Variants in GRK3 observed in about 807,000 individuals in gnomAD.
GRK3 encodes the protein G protein-coupled receptor kinase 3, also known as adrenergic, beta, receptor kinase 2.
In GRK3, 54 loss-of-function variants were observed where a neutral mutation model predicts 95.7. The ratio of observed to expected loss-of-function variants is 0.56; its 90% CI spans 0.45 to 0.71. The LOEUF (loss-of-function observed/expected upper bound fraction) is 0.71. Ranked by LOEUF, GRK3 falls within the 30% of genes least tolerant of loss-of-function variation. The pLI, the probability that GRK3 is intolerant of heterozygous loss-of-function variation, is 0.00. For missense variants in GRK3, 649 were observed against 851.2 expected (o/e 0.76, Z 2.96); for synonymous variants, 281 against 290.8 (o/e 0.97, Z 0.34).
intron 15 of GRK3, among the ~76,000 whole-genome samples, chr22:25,706,562 G>A (rs541496542): frequency 9.9e-5 from 15 of 151,954 alleles, no homozygotes; most frequent in South Asian, 8.3e-4. Flanking sequence ...ATTGAGTCTC[G>A]CTCTGTTACC....
At chr22:25,667,233 A>G (rs542143954) in intron 5 of GRK3, among the ~76,000 whole-genome samples, 16 of 152,254 alleles carry the variant, frequency 1.1e-4, no homozygotes, top group Non-Finnish European at 2.2e-4. Flanking sequence ...AAAAAATTTC[A>G]CTTCATGGAC....
intron 2 of GRK3, among the ~76,000 whole-genome samples, chr22:25,627,505 ACT>A (rs1328033078): frequency 1.3e-5 from 2 of 151,956 alleles, no homozygotes; most frequent in East Asian, 3.9e-4. Context: ...CTTTCTCCTG[ACT>A]CTATAGCCCG....
At chr22:25,694,481 A>G (rs1020668207) in intron 12 of GRK3, among the ~76,000 whole-genome samples, 4 of 152,158 alleles carry the variant, frequency 2.6e-5, no homozygotes, top group African/African-American at 9.7e-5. Context: ...CTTCCTGAAA[A>G]TCATCTTCAC....
intron 17 of GRK3, among the ~76,000 whole-genome samples, chr22:25,714,010 A>G (rs2085363831): frequency 6.6e-6 from 1 of 152,240 alleles, no homozygotes; most frequent in African/African-American, 2.4e-5. Flanking sequence ...TTCTGAAACT[A>G]TAGAAACAGT....
intron 1 of GRK3, among the ~76,000 whole-genome samples, chr22:25,565,388 G>A (rs982118709): frequency 1.3e-5 from 2 of 152,216 alleles, no homozygotes; most frequent in African/African-American, 4.8e-5. Context: ...GCGGCGCCCT[G>A]CGCGCAGCGA....
intron 4 of GRK3, 105 bp from the exon 5 acceptor site, chr22:25,663,525 A>T: frequency 1.5e-6 from 1 of 645,440 alleles, no homozygotes; most frequent in Non-Finnish European, 2.6e-6. Context: ...ACCGTAGGTT[A>T]CTGTTTAGTA....
At chr22:25,717,563 A>G (rs1266095643) in intron 18 of GRK3, among the ~76,000 whole-genome samples, 1 of 152,208 alleles carries the variant, frequency 6.6e-6, no homozygotes, top group East Asian at 1.9e-4. Context: ...TTCACGTGCC[A>G]CTTGTTGAAG....
chr22:25,713,501 C>T (rs1271536937), intron 17 of GRK3, among the ~76,000 whole-genome samples: 1 of 152,142 alleles, frequency 6.6e-6, no homozygotes, highest in Non-Finnish European at 1.5e-5. Context: ...GTGCAAGTGC[C>T]TTAGCCTCCT....
chr22:25,628,315 G>A (rs923608282), intron 2 of GRK3, among the ~76,000 whole-genome samples: 1 of 152,314 alleles, frequency 6.6e-6, no homozygotes, highest in African/African-American at 2.4e-5. Flanking sequence ...ATAACAAAGT[G>A]TCCATATGAC....
At position 25,723,955 on chromosome 22, in the gene GRK3, A is replaced by T. The variant is rs976098038; in HGVS notation, c.*1505A>T. The T allele has an allele frequency of 6.6e-6, 1 of 151,384 alleles. No individual in the cohort carries two copies. The highest frequency in any genetic ancestry group is 2.4e-5 in the African/African-American group (1 of 41,248). 9.4% of individuals were successfully genotyped at this position (151,384 alleles called of 1,614,324 possible). A position where few individuals can be genotyped will look rare whatever the true frequency, so the allele number is the denominator to read the frequency against. On this transcript the variant is annotated 3_prime_UTR_variant, in exon 21 of 21. Coordinates refer to ENST00000324198, the MANE Select transcript of GRK3 (RefSeq NM_005160.4). Reference sequence around the variant, plus strand: ...TCATAAGAGTTACTTTGCAAAAAAAAAAATGTGGGTTTTTTTTTTTGTCTA... The same window carrying T: ...TCATAAGAGTTACTTTGCAAAAAAATAAATGTGGGTTTTTTTTTTTGTCTA...
intron 3 of GRK3, among the ~76,000 whole-genome samples, chr22:25,653,845 C>A: frequency 6.6e-6 from 1 of 152,128 alleles, no homozygotes; most frequent in Non-Finnish European, 1.5e-5. Context: ...CCCGCCACCA[C>A]GCTCAGCTAA....
chr22:25,567,053 T>G (rs182368575), intron 1 of GRK3, among the ~76,000 whole-genome samples: 1 of 152,336 alleles, frequency 6.6e-6, no homozygotes, highest in Non-Finnish European at 1.5e-5. Context: ...CACTTCCTTG[T>G]ATGAATGCCT....
intron 1 of GRK3, chr22:25,581,186 A>G (rs1386058063): frequency 6.6e-6 from 1 of 152,252 alleles, no homozygotes; most frequent in Non-Finnish European, 1.5e-5. Context: ...CAATCTTGGT[A>G]ACTTCCAATG....
chr22:25,718,675 G>C (rs1455851604), intron 19 of GRK3, among the ~76,000 whole-genome samples: 1 of 152,208 alleles, frequency 6.6e-6, no homozygotes, highest in East Asian at 1.9e-4. Context: ...AAAAAGAAAA[G>C]ACAAGCTGGA....
At chr22:25,648,950 T>C in intron 3 of GRK3, 1 of 922,084 alleles carries the variant, frequency 1.1e-6, no homozygotes, top group Middle Eastern at 2.1e-4. Flanking sequence ...ATGGTGGGTT[T>C]ACAATAAAGT....
At chr22:25,675,436 G>T (rs1446361829) in intron 8 of GRK3, among the ~76,000 whole-genome samples, 2 of 152,158 alleles carry the variant, frequency 1.3e-5, no homozygotes, top group Non-Finnish European at 2.9e-5. Context: ...GTGAATGGTG[G>T]AATTCTTAAG....
In GRK3 at chr22:25,565,010, A is replaced by ACCG. The variant is rs749077845; in HGVS notation, c.-16_-14dup. 6.9e-5 allele frequency: 84 copies of ACCG among 1,212,752 alleles called. No individual in the cohort carries two copies. In the South Asian group the frequency reaches 9.6e-4, roughly 14 times the overall value. The allele number at this position is 1,212,752 out of a possible 1,614,324, so 75.1% of individuals were successfully genotyped here. Reference sequence around the variant, plus strand: ...GCGCGTCCCGTCCAGGTCCGGAGTAACCGCCGCCGCCGCCGCCAAAGCTCG... The same window carrying ACCG: ...GCGCGTCCCGTCCAGGTCCGGAGTAACCGCCGCCGCCGCCGCCGCCAAAGCTCG... On this transcript the variant is annotated 5_prime_UTR_variant, in exon 1 of 21. Transcript: ENST00000324198.
At chr22:25,642,432 C>G (rs1028944871) in intron 2 of GRK3, among the ~76,000 whole-genome samples, 2 of 152,028 alleles carry the variant, frequency 1.3e-5, no homozygotes, top group African/African-American at 4.8e-5. Context: ...GACTCCATCT[C>G]AAAAATAAAT....
chr22:25,606,969 A>G (rs1348789487), intron 2 of GRK3, among the ~76,000 whole-genome samples: 1 of 152,220 alleles, frequency 6.6e-6, no homozygotes, highest in Non-Finnish European at 1.5e-5. Context: ...TAACACGACA[A>G]TTGGCTCTCA....
Sources: allele counts gnomAD v4.1 joint callset (sites outside exome capture counted in the v4.1 genomes callset), GRCh38; gene constraint gnomAD v4.1.1; transcripts MANE v1.5; gene names NCBI Gene and HGNC (gene_info 2026-07-23, HGNC 2026-07-21).